The following ANAPC10 variants were observed in gnomAD, a reference collection of about 807,000 sequenced individuals.
The protein encoded by ANAPC10 is anaphase promoting complex subunit 10.
In ANAPC10, 12 loss-of-function variants were observed where a neutral mutation model predicts 22.0. The observed-to-expected ratio is 0.55, with a 90% CI of 0.35 to 0.88. The LOEUF (loss-of-function observed/expected upper bound fraction) is 0.88. Among genes scored for constraint, ANAPC10 ranks in the 40% least tolerant of loss-of-function variants. The probability of loss-of-function intolerance (pLI) is 0.01; values close to 1 mark genes in which losing one functional copy is unlikely to be tolerated. For missense variants in ANAPC10, 188 were observed against 220.9 expected (o/e 0.85, Z 0.94); for synonymous variants, 65 against 69.5 (o/e 0.94, Z 0.32).
intron 4 of ANAPC10, among the ~76,000 whole-genome samples, chr4:145,013,883 G>A (rs116374875): frequency 0.016 from 2,435 of 152,224 alleles, 90 homozygotes; most frequent in African/African-American, 0.055. Context: ...ATCAATTTAG[G>A]GAGCAGAGTG....
chr4:145,026,939 A>ATG (rs1736762540), intron 4 of ANAPC10, among the ~76,000 whole-genome samples: 5 of 22,330 alleles, frequency 2.2e-4, no homozygotes, highest in African/African-American at 6.2e-4. Context: ...ATATATATAT[A>ATG]TATATATGTG....
chr4:145,073,461 G>T (rs560852806), intron 3 of ANAPC10, among the ~76,000 whole-genome samples: 2 of 152,282 alleles, frequency 1.3e-5, no homozygotes, highest in South Asian at 2.1e-4. Flanking sequence ...TTTATGAACA[G>T]TGTAATTTGG....
chr4:145,049,665 C>T (rs1055982313), intron 4 of ANAPC10, among the ~76,000 whole-genome samples: 6 of 152,044 alleles, frequency 3.9e-5, no homozygotes, highest in African/African-American at 1.2e-4. Flanking sequence ...CTGGAACCGC[C>T]GCCACCTAGG....
chr4:145,080,124 A>C (rs1327402559), intron 3 of ANAPC10, among the ~76,000 whole-genome samples: 2 of 150,188 alleles, frequency 1.3e-5, no homozygotes, highest in African/African-American at 2.4e-5. Context: ...AAAAAAAAAA[A>C]AAAAAAAAAA....
intron 4 of ANAPC10, among the ~76,000 whole-genome samples, chr4:145,054,242 G>A (rs978234204): frequency 2.7e-5 from 4 of 150,786 alleles, no homozygotes; most frequent in Non-Finnish European, 5.9e-5. Context: ...CATGTTAGTC[G>A]CCAGAAATAT....
intron 4 of ANAPC10, among the ~76,000 whole-genome samples, chr4:145,002,076 C>T (rs1346897056): frequency 1.3e-5 from 2 of 152,160 alleles, no homozygotes; most frequent in African/African-American, 2.4e-5. Flanking sequence ...CTCACTACTT[C>T]TCCTTTACTA....
chr4:144,995,459 TTTTAA>T lies in ANAPC10; in HGVS notation c.467_471del (p.Ile156AsnfsTer12). 2 of 1,613,820 alleles carry T rather than the reference TTTTAA, an allele frequency of 1.2e-6. No individual in the cohort carries two copies. The highest frequency in any genetic ancestry group is 1.7e-6 in the Non-Finnish European group (2 of 1,179,796). ...GAGCTCTCTTCTACTGGTGTGTATA[TTTTAA>T]TTTGTCTCATATGGGTGTCTCTTCC... On this transcript the variant is annotated frameshift_variant, in exon 5 of 5. Transcript: ENST00000507656. LOFTEE classifies it high-confidence loss of function.
chr4:144,995,408 T>C lies in ANAPC10; in HGVS notation c.523A>G (p.Thr175Ala). The C allele has an allele frequency of 1.9e-6, 3 of 1,613,234 alleles. No homozygotes were observed. The highest frequency in any genetic ancestry group is 1.7e-6 in the Non-Finnish European group (2 of 1,179,332). ...SSIGKFPRCT[T>A]IDFMMYRSIR ...GAACGATACATCATGAAATCTATAG[T>C]TGTACATCTAGGAAATTTACCAATG... The change falls in exon 5 of 5, where the codon ACT becomes GCT. Residue 175 changes from threonine to alanine, a missense_variant. Physicochemically the swap from Thr to Ala is moderately conservative, Grantham distance 58 (BLOSUM62 0). Transcript: ENST00000507656.
Position 145,077,597 on chromosome 4 carries a change from T to C in ANAPC10, c.206+4063A>G, listed in dbSNP as rs540360711. ...AGAAACCTCAGGCCAATATTCTTGA[T>C]GAACATCGACACAAAAATCCTCAAT... On this transcript the variant is annotated intron_variant, in intron 3 of 4. Transcript: ENST00000507656. Among the ~76,000 whole-genome samples the C allele has an allele frequency of 6.6e-5, 10 of 152,236 alleles. No individual in the cohort carries two copies. In the East Asian group the frequency reaches 1.4e-3, roughly 21 times the overall value.
At chr4:145,067,052 A>G (rs898513392) in intron 3 of ANAPC10, among the ~76,000 whole-genome samples, 9 of 152,212 alleles carry the variant, frequency 5.9e-5, no homozygotes, top group Admixed American at 3.9e-4. Context: ...TGCTATATAC[A>G]TAGTTTCATT....
intron 4 of ANAPC10, among the ~76,000 whole-genome samples, chr4:145,043,754 T>C (rs1363236198): frequency 1.3e-5 from 2 of 152,130 alleles, no homozygotes; most frequent in Non-Finnish European, 2.9e-5. Context: ...CCTACAGTAT[T>C]ACAAATGAAG....
At chr4:145,010,449 T>C (rs1438964936) in intron 4 of ANAPC10, among the ~76,000 whole-genome samples, 1 of 152,090 alleles carries the variant, frequency 6.6e-6, no homozygotes, top group Admixed American at 6.6e-5. Flanking sequence ...ATAGACTGGA[T>C]TAAGAAAATG....
At chr4:144,997,863 T>A (rs1331357966) in intron 4 of ANAPC10, among the ~76,000 whole-genome samples, 1 of 151,720 alleles carries the variant, frequency 6.6e-6, no homozygotes, top group African/African-American at 2.4e-5. Flanking sequence ...ACACACAGCC[T>A]CAAAATAAAG....
chr4:145,031,642 C>T (rs1446845075), intron 4 of ANAPC10, among the ~76,000 whole-genome samples: 3 of 152,290 alleles, frequency 2.0e-5, no homozygotes, highest in East Asian at 3.9e-4. Context: ...AGCTGCTCTG[C>T]CACTTGGGCC....
At chr4:145,028,341 C>T (rs1265626046) in intron 4 of ANAPC10, among the ~76,000 whole-genome samples, 1 of 147,890 alleles carries the variant, frequency 6.8e-6, no homozygotes, top group African/African-American at 2.7e-5. Context: ...ATGGATGCTT[C>T]CTGCCTTCGA....
intron 4 of ANAPC10, among the ~76,000 whole-genome samples, chr4:145,000,357 C>T (rs1732332512): frequency 6.6e-6 from 1 of 151,512 alleles, no homozygotes; most frequent in Admixed American, 6.6e-5. Flanking sequence ...AACAAATTTA[C>T]AAGAAAAAAA....
rs1338385816 is a variant in ANAPC10 at position 145,098,171 on chromosome 4, A to C, written c.-64T>G. 3.3e-5 allele frequency: 5 copies of C among 152,688 alleles called. No individual in the cohort carries two copies. The highest frequency in any genetic ancestry group is 4.8e-5 in the African/African-American group (2 of 41,480). 9.5% of individuals were successfully genotyped at this position (152,688 alleles called of 1,614,324 possible). A position where few individuals can be genotyped will look rare whatever the true frequency, so the allele number is the denominator to read the frequency against. The stretch of plus-strand genomic sequence containing the variant: ...AACTCAGATTCTCGGCACCTCCAGC[A>C]GCTGGCTTCGCCAACGGCGTTGAAC... On this transcript the variant is annotated 5_prime_UTR_variant, in exon 1 of 5. Coordinates refer to ENST00000507656, the MANE Select transcript of ANAPC10 (RefSeq NM_001256706.2).
At chr4:145,062,020 GC>G (rs972477340) in intron 4 of ANAPC10, among the ~76,000 whole-genome samples, 1 of 150,900 alleles carries the variant, frequency 6.6e-6, no homozygotes, top group African/African-American at 2.4e-5. Flanking sequence ...CTGAGATCAG[GC>G]CATTGCACTC....
At chr4:145,083,078 G>A (rs886825287) in intron 2 of ANAPC10, among the ~76,000 whole-genome samples, 2 of 152,022 alleles carry the variant, frequency 1.3e-5, no homozygotes, top group African/African-American at 4.8e-5. Flanking sequence ...CTGCATGTTG[G>A]TGTTTTTTAA....
Sources: allele counts gnomAD v4.1 joint callset (sites outside exome capture counted in the v4.1 genomes callset), GRCh38; gene constraint gnomAD v4.1.1; transcripts MANE v1.5; gene names NCBI Gene and HGNC (gene_info 2026-07-23, HGNC 2026-07-21).